The following PA2G4 variants were observed in gnomAD, a reference collection of about 807,000 sequenced individuals.
The protein encoded by PA2G4 is proliferation-associated protein 2G4.
Under a neutral mutation model 53.3 loss-of-function variants are expected in PA2G4, and 8 were observed. That is an observed-to-expected ratio of 0.15 (90% CI 0.09 to 0.27). PA2G4 has a LOEUF of 0.27. Ranked by LOEUF, PA2G4 falls within the 10% of genes least tolerant of loss-of-function variation. The probability of loss-of-function intolerance (pLI) is 1.00; values close to 1 mark genes in which losing one functional copy is unlikely to be tolerated. For synonymous variants in PA2G4, 143 were observed against 169.8 expected, an observed-to-expected ratio of 0.84 and a Z score of 1.23; for missense variants, 208 against 486.8, an observed-to-expected ratio of 0.43 and a Z score of 5.39.
Position 56,104,676 on chromosome 12 carries a change from GA to G in PA2G4, c.-60del. ...GACTCTGACCACAGCCTGTGGCTGG[GA>G]AGGGAGACAGAGGCGGCGGCGGCTC... is the stretch of plus-strand genomic sequence containing the variant. On this transcript the variant is annotated 5_prime_UTR_variant, in exon 1 of 13. Coordinates refer to ENST00000303305, the MANE Select transcript of PA2G4 (RefSeq NM_006191.3). 1 of 1,437,044 alleles carries G rather than the reference GA, an allele frequency of 7.0e-7. No homozygotes were observed. The highest frequency in any genetic ancestry group is 9.8e-7 in the Non-Finnish European group (1 of 1,018,686). The allele number at this position is 1,437,044 out of a possible 1,614,324, so 89.0% of individuals were successfully genotyped here. A position where few individuals can be genotyped will look rare whatever the true frequency, so the allele number is the denominator to read the frequency against.
intron 12 of PA2G4, among the ~76,000 whole-genome samples, chr12:56,112,376 A>G (rs1358850395): frequency 8.5e-5 from 13 of 152,204 alleles, no homozygotes; most frequent in African/African-American, 3.1e-4. Context: ...TATTGCTTTC[A>G]CGCCATTGTG....
At chr12:56,109,761 C>G in intron 6 of PA2G4, 96 bp from the exon 7 acceptor site, 1 of 823,178 alleles carries the variant, frequency 1.2e-6, no homozygotes, top group South Asian at 1.4e-5. Context: ...AGGTAGTTGT[C>G]TCACTGCCTA....
intron 1 of PA2G4, 45 bp from the exon 2 acceptor site, chr12:56,106,543 A>T: frequency 6.8e-7 from 1 of 1,478,936 alleles, no homozygotes. Context: ...TGGTAACTAG[A>T]CAATGAATAC....
At chr12:56,112,678 C>A in intron 12 of PA2G4, 145 bp from the exon 13 acceptor site, 1 of 605,644 alleles carries the variant, frequency 1.7e-6, no homozygotes, top group Non-Finnish European at 2.9e-6. Context: ...ATCACCTGAG[C>A]CCAGGGAAGT....
At chr12:56,110,033 T>C (rs940296777) in intron 7 of PA2G4, 98 bp downstream of exon 7, 6 of 867,842 alleles carry the variant, frequency 6.9e-6, no homozygotes, top group East Asian at 2.5e-5. Context: ...CTCTACTCCA[T>C]GTTTTCAGGA....
chr12:56,110,830 C>A, intron 9 of PA2G4, 134 bp from the exon 10 acceptor site: 2 of 1,303,294 alleles, frequency 1.5e-6, no homozygotes, highest in Non-Finnish European at 2.2e-6. Flanking sequence ...ATCTCCTTCT[C>A]ATTGAAGGTA....
Position 56,110,911 on chromosome 12 carries a change from G to C in PA2G4, c.843-53G>C, listed in dbSNP as rs1422874262. 2.6e-6 allele frequency: 4 copies of C among 1,534,092 alleles called. No homozygotes were observed. The Admixed American group carries it at 6.9e-5, about 26-fold the overall frequency. Reference sequence around the variant, plus strand: ...GCTATTTTAAAATATGAGCAAAATGGTAAGACTTGATGGGGAGTTAAAGAT... The same window carrying C: ...GCTATTTTAAAATATGAGCAAAATGCTAAGACTTGATGGGGAGTTAAAGAT... On this transcript the variant is annotated intron_variant, in intron 9 of 12. Transcript: ENST00000303305.
intron 7 of PA2G4, 88 bp downstream of exon 7, chr12:56,110,023 C>T: frequency 1.1e-6 from 1 of 923,682 alleles, no homozygotes; most frequent in East Asian, 2.4e-5. Context: ...CTTGTCCGCC[C>T]TCTACTCCAT....
At chr12:56,112,249 T>C (rs1267571888) in intron 12 of PA2G4, among the ~76,000 whole-genome samples, 1 of 152,246 alleles carries the variant, frequency 6.6e-6, no homozygotes, top group Non-Finnish European at 1.5e-5. Flanking sequence ...CCACCATGCC[T>C]GGCTCAAAAT....
rs988835757 is a variant in PA2G4 at position 56,113,651 on chromosome 12, C to T, written c.*763C>T. 2 of 590,262 alleles carry T rather than the reference C, an allele frequency of 3.4e-6. No homozygotes were observed. Among genetic ancestry groups the T allele is most frequent in the Non-Finnish European group, 3.0e-6 (1 of 335,562 alleles). 36.6% of individuals were successfully genotyped at this position (590,262 alleles called of 1,614,324 possible). Reference sequence around the variant, plus strand: ...AGCTGGAAGCTCAACTGGTTTTGTTCCCTGTTTGAAATATTGTGATCTCCC... The same window carrying T: ...AGCTGGAAGCTCAACTGGTTTTGTTTCCTGTTTGAAATATTGTGATCTCCC... On this transcript the variant is annotated 3_prime_UTR_variant, in exon 13 of 13. Coordinates refer to ENST00000303305, the MANE Select transcript of PA2G4 (RefSeq NM_006191.3).
intron 2 of PA2G4, 42 bp from the exon 3 acceptor site, chr12:56,106,948 G>T (rs777324362): frequency 6.6e-7 from 1 of 1,516,084 alleles, no homozygotes; most frequent in Non-Finnish European, 9.1e-7. Context: ...TAGGGCTCCC[G>T]GGAGACAGCA....
chr12:56,105,484 A>G (rs1234744814), intron 1 of PA2G4, among the ~76,000 whole-genome samples: 4 of 152,182 alleles, frequency 2.6e-5, no homozygotes, highest in African/African-American at 7.2e-5. Flanking sequence ...TTGGAGATAT[A>G]TATGGCTTTT....
At position 56,107,196 on chromosome 12, in the gene PA2G4, G is replaced by T; in HGVS notation, c.333G>T (p.Gly111=). ...KEGDLVKIDL[G]VHVDGFIANV... Reference sequence around the variant, plus strand: ...TGATCTTGCCTTTCAGTGACCTTGGGGTCCATGTGGATGGCTTCATCGCTA... The same window carrying T: ...TGATCTTGCCTTTCAGTGACCTTGGTGTCCATGTGGATGGCTTCATCGCTA... Residue 111 remains glycine, a synonymous_variant, in exon 4 of 13, where the codon GGG becomes GGT. Transcript: ENST00000303305. 1 of 1,613,686 alleles carries T rather than the reference G, an allele frequency of 6.2e-7. No homozygotes were observed. The highest frequency in any genetic ancestry group is 8.5e-7 in the Non-Finnish European group (1 of 1,179,742).
In PA2G4 at chr12:56,113,080, G is replaced by C. The variant is rs1379072039; in HGVS notation, c.*192G>C. Reference sequence around the variant, plus strand: ...CTCCAACTGACTCTGGTCTTGGGAGGTGAGGCTTCCCAACCACGGAAGACT... The same window carrying C: ...CTCCAACTGACTCTGGTCTTGGGAGCTGAGGCTTCCCAACCACGGAAGACT... On this transcript the variant is annotated 3_prime_UTR_variant, in exon 13 of 13. Transcript: ENST00000303305. 2.2e-6 allele frequency: 1 copy of C among 454,914 alleles called. No homozygotes were observed. Among genetic ancestry groups the C allele is most frequent in the Admixed American group, 4.4e-5 (1 of 22,686 alleles). The allele number at this position is 454,914 out of a possible 1,614,324, so 28.2% of individuals were successfully genotyped here. A position where few individuals can be genotyped will look rare whatever the true frequency, so the allele number is the denominator to read the frequency against.
chr12:56,104,659 C>T lies in PA2G4; in HGVS notation c.-79C>T. On this transcript the variant is annotated 5_prime_UTR_variant, in exon 1 of 13. Coordinates refer to ENST00000303305, the MANE Select transcript of PA2G4 (RefSeq NM_006191.3). The stretch of plus-strand genomic sequence containing the variant: ...TCCTCGAGGATCGAGGGGACTCTGA[C>T]CACAGCCTGTGGCTGGGAAGGGAGA... 7.5e-7 allele frequency: 1 copy of T among 1,326,664 alleles called. No homozygotes were observed. Among genetic ancestry groups the T allele is most frequent in the African/African-American group, 1.4e-5 (1 of 69,592 alleles). 82.2% of individuals were successfully genotyped at this position (1,326,664 alleles called of 1,614,324 possible).
In PA2G4 at chr12:56,113,696, A is replaced by G. The variant is rs1427357062; in HGVS notation, c.*808A>G. The G allele has an allele frequency of 1.7e-6, 1 of 605,086 alleles. No individual in the cohort carries two copies. The highest frequency in any genetic ancestry group is 2.9e-6 in the Non-Finnish European group (1 of 343,384). 37.5% of individuals were successfully genotyped at this position (605,086 alleles called of 1,614,324 possible). ...TCTCCCTCCCATGAAAGAAAAACCA[A>G]GAACCAGAGGCGTAGACTGACTGAA... On this transcript the variant is annotated 3_prime_UTR_variant, in exon 13 of 13. Transcript: ENST00000303305.
intron 1 of PA2G4, 46 bp downstream of exon 1, chr12:56,104,871 G>C: frequency 6.6e-7 from 1 of 1,515,136 alleles, no homozygotes; most frequent in South Asian, 1.1e-5. Flanking sequence ...GATAGGGAAA[G>C]GTAACAGGCT....
chr12:56,107,223 T>C lies in PA2G4; in HGVS notation c.360T>C (p.Asn120=). ...TCCATGTGGATGGCTTCATCGCTAA[T>C]GTAGCTCACACTTTTGTGGTTGATG... The part of the protein sequence containing the change: ...LGVHVDGFIA[N]VAHTFVVDVA... Residue 120 remains asparagine (N), a synonymous_variant, in exon 4 of 13, where the codon AAT becomes AAC. Coordinates refer to ENST00000303305, the MANE Select transcript of PA2G4 (RefSeq NM_006191.3). 6.2e-7 allele frequency: 1 copy of C among 1,613,788 alleles called. No individual in the cohort carries two copies. The highest frequency in any genetic ancestry group is 8.5e-7 in the Non-Finnish European group (1 of 1,179,950).
chr12:56,112,267 A>T (rs1869445636), intron 12 of PA2G4, among the ~76,000 whole-genome samples: 1 of 152,178 alleles, frequency 6.6e-6, no homozygotes, highest in Non-Finnish European at 1.5e-5. Context: ...AATGGATTTG[A>T]TGTACCTTAA....
Sources: gnomAD v4.1 joint callset for allele counts (sites outside exome capture counted in the v4.1 genomes callset) on GRCh38, gnomAD v4.1.1 for gene constraint, MANE v1.5 for transcripts, NCBI Gene and HGNC (gene_info 2026-07-23, HGNC 2026-07-21) for gene names.